ADGRG7: variants seen among roughly 807,000 people sequenced by gnomAD.
The protein encoded by ADGRG7 is adhesion G protein-coupled receptor G7.
In ADGRG7, 82 loss-of-function variants were observed where a neutral mutation model predicts 88.6. The ratio of observed to expected loss-of-function variants is 0.93; its 90% confidence interval spans 0.77 to 1.11. The LOEUF (loss-of-function observed/expected upper bound fraction) is 1.11. Among genes scored for constraint, ADGRG7 ranks in the 50% most tolerant of loss-of-function variants. ADGRG7 has a pLI of 0.00. For synonymous variants in ADGRG7, 381 were observed against 345.2 expected, an observed-to-expected ratio of 1.10 and a Z score of -1.15; for missense variants, 945 against 953.4, an observed-to-expected ratio of 0.99 and a Z score of 0.12.
At chr3:100,670,136 A>G (rs572923780) in intron 15 of ADGRG7, among the ~76,000 whole-genome samples, 2 of 152,250 alleles carry the variant, frequency 1.3e-5, no homozygotes, top group African/African-American at 4.8e-5. Flanking sequence ...ATACCCATTA[A>G]CCATTCCCGC....
intron 6 of ADGRG7, among the ~76,000 whole-genome samples, chr3:100,642,316 T>C (rs947744562): frequency 6.6e-6 from 1 of 152,222 alleles, no homozygotes; most frequent in African/African-American, 2.4e-5. Flanking sequence ...TTGCTGAAAA[T>C]GGTTTTATAA....
At chr3:100,685,837 G>C (rs1377976343) in intron 15 of ADGRG7, among the ~76,000 whole-genome samples, 1 of 152,160 alleles carries the variant, frequency 6.6e-6, no homozygotes, top group Non-Finnish European at 1.5e-5. Context: ...ATAAACATAC[G>C]TGTGCATGTG....
At chr3:100,648,687 G>T (rs944116346) in intron 10 of ADGRG7, among the ~76,000 whole-genome samples, 37 of 152,098 alleles carry the variant, frequency 2.4e-4, no homozygotes, top group African/African-American at 7.2e-4. Context: ...GGTAGGTATG[G>T]TGTGGGGTAG....
chr3:100,622,928 GTT>G lies in ADGRG7; in HGVS notation c.116-6659_116-6658del, dbSNP rs76254299. Among the ~76,000 whole-genome samples the G allele has an allele frequency of 6.6e-3, 922 of 140,196 alleles. 14 individuals carry two copies. Among genetic ancestry groups the G allele is most frequent in the African/African-American group, 0.023 (884 of 38,244 alleles). The allele number at this position is 140,196 out of a possible 152,430, so 92.0% of individuals were successfully genotyped here. On this transcript the variant is annotated intron_variant, in intron 1 of 15. Transcript: ENST00000273352. ...CCATGCCCGGAAAATTTTTGTTTTT[GTT>G]TTTTTTTTTTGGTAGAGACAGGGTT...
In ADGRG7 at chr3:100,647,390, G is replaced by T. The variant is rs974397444; in HGVS notation, c.1266+666G>T. 3.3e-5 allele frequency among the ~76,000 whole-genome samples: 5 copies of T among 152,154 alleles called. No homozygotes were observed. In the East Asian group the frequency reaches 5.8e-4, roughly 18 times the overall value. On this transcript the variant is annotated intron_variant, in intron 10 of 15. Transcript: ENST00000273352. Reference sequence around the variant, plus strand: ...CTGTATAGCTGTGTGCCAGAGACAGGTTCAATATTTACTTAGCTGTATGTG... The same window carrying T: ...CTGTATAGCTGTGTGCCAGAGACAGTTTCAATATTTACTTAGCTGTATGTG...
At chr3:100,643,817 ATTTCT>A (rs1707689725) in intron 8 of ADGRG7, among the ~76,000 whole-genome samples, 184 bp downstream of exon 8, 1 of 152,222 alleles carries the variant, frequency 6.6e-6, no homozygotes, top group African/African-American at 2.4e-5. Context: ...CAAAAAGATA[ATTTCT>A]TTGTTTTTTC....
intron 1 of ADGRG7, among the ~76,000 whole-genome samples, chr3:100,618,140 C>T (rs1207879760): frequency 6.6e-6 from 1 of 152,106 alleles, no homozygotes; most frequent in Non-Finnish European, 1.5e-5. Flanking sequence ...GAGTAGATTG[C>T]AAAAATTTTC....
intron 4 of ADGRG7, 27 bp from the exon 5 acceptor site, chr3:100,635,650 G>C (rs780308485): frequency 1.2e-6 from 2 of 1,605,856 alleles, no homozygotes; most frequent in East Asian, 4.5e-5. Flanking sequence ...TGTAAAGCTA[G>C]GGTTTTTTTT....
chr3:100,667,620 A>G (rs1296626120), intron 14 of ADGRG7, among the ~76,000 whole-genome samples: 1 of 152,232 alleles, frequency 6.6e-6, no homozygotes, highest in Non-Finnish European at 1.5e-5. Flanking sequence ...TATTGTGAAT[A>G]GTGCTGCAAT....
chr3:100,678,233 T>A (rs1371132375), intron 15 of ADGRG7, among the ~76,000 whole-genome samples: 1 of 152,096 alleles, frequency 6.6e-6, no homozygotes, highest in Non-Finnish European at 1.5e-5. Flanking sequence ...CTTAAGTATA[T>A]GTCAGTTGCA....
chr3:100,639,518 T>G (rs920531890), intron 6 of ADGRG7, among the ~76,000 whole-genome samples: 2 of 151,982 alleles, frequency 1.3e-5, no homozygotes, highest in Non-Finnish European at 2.9e-5. Context: ...TCAATAGGAG[T>G]CTGGGCCCTT....
At chr3:100,690,247 G>C (rs1018621208) in intron 15 of ADGRG7, among the ~76,000 whole-genome samples, 1 of 152,072 alleles carries the variant, frequency 6.6e-6, no homozygotes, top group Admixed American at 6.6e-5. Context: ...GGACTTCTCT[G>C]TATTGGTTAT....
rs145563365 is a variant in ADGRG7 at position 100,694,839 on chromosome 3, G to T, written c.2232G>T (p.Arg744Ser). 1.5e-5 allele frequency: 24 copies of T among 1,614,022 alleles called. No individual in the cohort carries two copies. The highest frequency in any genetic ancestry group is 3.3e-5 in the Admixed American group (2 of 60,002). The part of the protein sequence containing the change: ...VLMLLSSIGR[R>S]KSLPSVTRPR... ...TGTTGCTATCGTCTATTGGGAGAAG[G>T]AAGTCATTGCCTTCAGTGACGCGGC... Residue 744 changes from arginine (R) to serine (S), a missense_variant, in exon 16 of 16, where the codon AGG (arginine) becomes AGT (serine). Transcript: ENST00000273352.
intron 4 of ADGRG7, among the ~76,000 whole-genome samples, chr3:100,635,097 G>A (rs1189617217): frequency 2.6e-5 from 4 of 151,802 alleles, no homozygotes; most frequent in African/African-American, 9.7e-5. Context: ...GCATGTTTTA[G>A]CCTCACAACA....
Position 100,629,569 on chromosome 3 carries a change from G to T in ADGRG7, c.116-29G>T. ...AGGAGAAATGAATCAGCCAGTTCAT[G>T]ACTATTCTGTTATTTATTGTTTCTT... is the stretch of plus-strand genomic sequence containing the variant. On this transcript the variant is annotated intron_variant, in intron 1 of 15. Transcript: ENST00000273352. The T allele has an allele frequency of 2.7e-6, 4 of 1,507,804 alleles. No homozygotes were observed. In the South Asian group the frequency reaches 4.5e-5, roughly 17 times the overall value. 93.4% of individuals were successfully genotyped at this position (1,507,804 alleles called of 1,614,324 possible).
At chr3:100,683,366 C>T (rs2094976687) in intron 15 of ADGRG7, among the ~76,000 whole-genome samples, 1 of 152,178 alleles carries the variant, frequency 6.6e-6, no homozygotes, top group African/African-American at 2.4e-5. Context: ...ACTCCCTGAG[C>T]CAGGGTTGTG....
At position 100,635,774 on chromosome 3, in the gene ADGRG7, C is replaced by G. The variant is rs766845650; in HGVS notation, c.545C>G (p.Ala182Gly). Residue 182 changes from alanine (A) to glycine (G), a missense_variant, in exon 5 of 16, where the codon GCT becomes GGT. Physicochemically the swap from Ala to Gly is moderately conservative, Grantham distance 60 (BLOSUM62 0). Coordinates refer to ENST00000273352, the MANE Select transcript of ADGRG7 (RefSeq NM_032787.3). ...NKLTAENITS[A>G]TRVVGQIFNT... ...TTAACTGCTGAGAACATCACTAGTGCTACGCGAGTGGTTGGACAGATATTC... is the reference window on the plus strand; with the variant it reads ...TTAACTGCTGAGAACATCACTAGTGGTACGCGAGTGGTTGGACAGATATTC... 1.9e-6 allele frequency: 3 copies of G among 1,613,818 alleles called. No homozygotes were observed. In the East Asian group the frequency reaches 6.7e-5, roughly 36 times the overall value.
intron 3 of ADGRG7, 127 bp downstream of exon 3, chr3:100,630,936 C>A: frequency 2.4e-6 from 1 of 415,886 alleles, no homozygotes. Context: ...GGACTTAACT[C>A]CCTTTCGTGA....
intron 15 of ADGRG7, among the ~76,000 whole-genome samples, chr3:100,673,543 C>A (rs1212379410): frequency 6.6e-6 from 1 of 151,098 alleles, no homozygotes; most frequent in Non-Finnish European, 1.5e-5. Flanking sequence ...CTCACTGCAA[C>A]CTCTGCCTCC....
Sources: allele counts gnomAD v4.1 joint callset (sites outside exome capture counted in the v4.1 genomes callset), GRCh38; gene constraint gnomAD v4.1.1; transcripts MANE v1.5; gene names NCBI Gene and HGNC (gene_info 2026-07-23, HGNC 2026-07-21).